CSMD1: variants seen among roughly 807,000 people sequenced by gnomAD.
The protein encoded by CSMD1 is CUB and sushi domain-containing protein 1.
Under a neutral mutation model 417.5 loss-of-function variants are expected in CSMD1, and 213 were observed. That is an observed-to-expected ratio of 0.51 (90% CI 0.46 to 0.57). The LOEUF (loss-of-function observed/expected upper bound fraction) is 0.57. Among genes scored for constraint, CSMD1 ranks in the 20% least tolerant of loss-of-function variants. The probability of loss-of-function intolerance (pLI) is 0.00; values close to 1 mark genes in which losing one functional copy is unlikely to be tolerated. For synonymous variants in CSMD1, 2,862 were observed against 1,736.8 expected (o/e 1.65, Z -16.11); for missense variants, 6,923 against 4,529.7 (o/e 1.53, Z -15.17).
At chr8:4,223,072 A>C (rs75923942) in intron 3 of CSMD1, among the ~76,000 whole-genome samples, 4,938 of 152,222 alleles carry the variant, frequency 0.032, 270 homozygotes, top group African/African-American at 0.11. Context: ...AGAGCTGCCT[A>C]AACAGCTGGT....
chr8:3,870,348 T>C (rs1805396213), intron 5 of CSMD1, among the ~76,000 whole-genome samples: 1 of 152,200 alleles, frequency 6.6e-6, no homozygotes, highest in African/African-American at 2.4e-5. Flanking sequence ...TTGTAGCACA[T>C]ATGTAAAAAG....
intron 23 of CSMD1, among the ~76,000 whole-genome samples, chr8:3,339,778 T>C (rs757106985): frequency 5.3e-5 from 8 of 152,110 alleles, no homozygotes; most frequent in Non-Finnish European, 1.2e-4. Flanking sequence ...CTGTGTAAGG[T>C]GCGAAGAAGT....
intron 27 of CSMD1, among the ~76,000 whole-genome samples, chr8:3,224,271 T>A (rs1303527787): frequency 6.6e-6 from 1 of 152,218 alleles, no homozygotes; most frequent in African/African-American, 2.4e-5. Flanking sequence ...TATGGCCATG[T>A]TAATTATTTT....
chr8:3,343,196 C>A, intron 23 of CSMD1, 98 bp downstream of exon 23: 1 of 1,045,502 alleles, frequency 9.6e-7, no homozygotes, highest in South Asian at 1.5e-5. Context: ...CAGTAGGCAG[C>A]CAGAAAAAAA....
intron 5 of CSMD1, among the ~76,000 whole-genome samples, chr8:3,961,876 C>T (rs1008339825): frequency 6.6e-6 from 1 of 152,136 alleles, no homozygotes; most frequent in Non-Finnish European, 1.5e-5. Flanking sequence ...CCTAAAACAG[C>T]GCATCCTGCC....
intron 3 of CSMD1, among the ~76,000 whole-genome samples, chr8:4,274,189 C>G (rs1171756662): frequency 1.3e-5 from 2 of 152,084 alleles, no homozygotes; most frequent in Non-Finnish European, 2.9e-5. Context: ...GACATCAAAG[C>G]AGAACCAGAG....
intron 1 of CSMD1, among the ~76,000 whole-genome samples, chr8:4,905,087 T>C (rs1805152244): frequency 6.6e-6 from 1 of 152,164 alleles, no homozygotes; most frequent in Non-Finnish European, 1.5e-5. Context: ...ATAGGATCGT[T>C]CCCTGTGGTG....
intron 5 of CSMD1, among the ~76,000 whole-genome samples, chr8:3,936,615 T>C (rs999612229): frequency 6.6e-6 from 1 of 152,150 alleles, no homozygotes; most frequent in African/African-American, 2.4e-5. Context: ...AAGGCCACTG[T>C]TGAGACGTAC....
At position 2,951,238 on chromosome 8, in the gene CSMD1, C is replaced by G. The variant is rs1362918707; in HGVS notation, c.10077G>C (p.Lys3359Asn). Reference sequence around the variant, plus strand: ...TTTTCCCTAAATATTCATAATACCCCTTCCACAGTGAATTGACGAAAAAGA... The same window carrying G: ...TTTTCCCTAAATATTCATAATACCCGTTCCACAGTGAATTGACGAAAAAGA... The part of the protein sequence containing the change: ...SDVFFVNSLW[K>N]GYYEYLGKRQ... Residue 3359 changes from lysine (K) to asparagine (N), a missense_variant, in exon 66 of 70, where the codon AAG becomes AAC. Transcript: ENST00000635120. The G allele has an allele frequency of 6.2e-7, 1 of 1,607,208 alleles. No individual in the cohort carries two copies. The highest frequency in any genetic ancestry group is 1.3e-5 in the African/African-American group (1 of 74,808).
At chr8:3,677,644 T>C (rs570015017) in intron 7 of CSMD1, among the ~76,000 whole-genome samples, 41 of 152,302 alleles carry the variant, frequency 2.7e-4, no homozygotes, top group African/African-American at 4.6e-4. Context: ...CCTCCAGCTA[T>C]TGACATGAAA....
intron 3 of CSMD1, among the ~76,000 whole-genome samples, chr8:4,355,974 T>C (rs991841513): frequency 1.3e-5 from 2 of 152,214 alleles, no homozygotes; most frequent in Non-Finnish European, 2.9e-5. Context: ...TGTTCTTTCT[T>C]ATTTTTTCAT....
At chr8:3,271,322 CTA>C (rs1801836591) in intron 26 of CSMD1, among the ~76,000 whole-genome samples, 1 of 151,896 alleles carries the variant, frequency 6.6e-6, no homozygotes, top group Admixed American at 6.6e-5. Context: ...TTAATCCAGT[CTA>C]TCATTGTTGG....
rs539591577 is a variant in CSMD1, at chr8:4,598,447, T to A, written c.302+38895A>T. On this transcript the variant is annotated intron_variant, in intron 2 of 69. Coordinates refer to ENST00000635120, the MANE Select transcript of CSMD1 (RefSeq NM_033225.6). ...TCACTGCTATCAGCCAGGCATGAAATCTGAGTTATTTTATTAGTGATGGTG... is the reference window on the plus strand; with the variant it reads ...TCACTGCTATCAGCCAGGCATGAAAACTGAGTTATTTTATTAGTGATGGTG... 3.7e-4 allele frequency among the ~76,000 whole-genome samples: 57 copies of A among 152,296 alleles called. No individual in the cohort carries two copies. The South Asian group carries it at 0.011, about 30-fold the overall frequency.
At chr8:4,178,510 A>C (rs549590193) in intron 3 of CSMD1, among the ~76,000 whole-genome samples, 43 of 151,308 alleles carry the variant, frequency 2.8e-4, no homozygotes, top group Admixed American at 1.2e-3. Flanking sequence ...ATTCCCTTTG[A>C]AAACTGGCAC....
At chr8:4,741,563 G>C (rs1471028758) in intron 1 of CSMD1, among the ~76,000 whole-genome samples, 1 of 152,142 alleles carries the variant, frequency 6.6e-6, no homozygotes, top group Non-Finnish European at 1.5e-5. Context: ...ATGAACTGGA[G>C]GTTTTAGATC....
intron 49 of CSMD1, among the ~76,000 whole-genome samples, chr8:3,073,066 A>T (rs1813421139): frequency 2.0e-5 from 3 of 152,210 alleles, no homozygotes; most frequent in Admixed American, 6.5e-5. Context: ...TCCCAGTGCT[A>T]TTTCTTAAAG....
chr8:4,936,729 CA>C (rs1195742221), intron 1 of CSMD1, among the ~76,000 whole-genome samples: 1 of 152,166 alleles, frequency 6.6e-6, no homozygotes, highest in Admixed American at 6.5e-5. Context: ...TGTTAATAGG[CA>C]GGACCTGATA....
At chr8:3,886,768 T>G (rs951362106) in intron 5 of CSMD1, among the ~76,000 whole-genome samples, 3 of 152,138 alleles carry the variant, frequency 2.0e-5, no homozygotes, top group African/African-American at 4.8e-5. Context: ...GACACAGACT[T>G]AGGGACAGAT....
At chr8:4,570,846 C>T (rs764813208) in intron 2 of CSMD1, among the ~76,000 whole-genome samples, 12 of 152,134 alleles carry the variant, frequency 7.9e-5, no homozygotes, top group African/African-American at 1.4e-4. Context: ...TTTCGGGATT[C>T]GGCTTCTTCC....
Sources: gnomAD v4.1 joint callset for allele counts (sites outside exome capture counted in the v4.1 genomes callset) on GRCh38, gnomAD v4.1.1 for gene constraint, MANE v1.5 for transcripts, NCBI Gene and HGNC (gene_info 2026-07-23, HGNC 2026-07-21) for gene names.